The following CRISPLD1 variants were observed in gnomAD, a reference collection of about 807,000 sequenced individuals.
The protein encoded by CRISPLD1 is cysteine rich secretory protein LCCL domain containing 1.
Under a neutral mutation model 77.5 loss-of-function variants are expected in CRISPLD1, and 60 were observed. The ratio of observed to expected loss-of-function variants is 0.77; its 90% CI spans 0.63 to 0.96. The LOEUF is 0.96. Ranked by LOEUF, CRISPLD1 falls within the 40% of genes least tolerant of loss-of-function variation. The pLI, the probability that CRISPLD1 is intolerant of heterozygous loss-of-function variation, is 0.00. For missense variants in CRISPLD1, 623 were observed against 615.8 expected (o/e 1.01, Z -0.12); for synonymous variants, 195 against 200.1 (o/e 0.97, Z 0.22).
intron 2 of CRISPLD1, among the ~76,000 whole-genome samples, chr8:74,987,297 A>G (rs969335668): frequency 2.6e-5 from 4 of 152,194 alleles, no homozygotes; most frequent in African/African-American, 7.2e-5. Context: ...ATCAGGGATT[A>G]AGAATTGAGA....
chr8:75,004,214 C>T (rs958131346), intron 2 of CRISPLD1, among the ~76,000 whole-genome samples: 2 of 152,140 alleles, frequency 1.3e-5, no homozygotes, highest in African/African-American at 4.8e-5. Context: ...CCCTGTAACA[C>T]AAGTGTTTCC....
intron 1 of CRISPLD1, among the ~76,000 whole-genome samples, chr8:74,985,164 G>A (rs900811438): frequency 9.2e-5 from 14 of 152,076 alleles, no homozygotes; most frequent in Non-Finnish European, 1.8e-4. Context: ...TTTGAGTTCA[G>A]AGAAAGAACA....
At chr8:75,009,337 GAAA>G (rs544809518) in intron 2 of CRISPLD1, among the ~76,000 whole-genome samples, 3 of 145,128 alleles carry the variant, frequency 2.1e-5, no homozygotes, top group African/African-American at 5.2e-5. Flanking sequence ...GAAAAAAAAA[GAAA>G]AAAAAAAGAA....
chr8:74,985,887 C>A (rs1812487741), intron 1 of CRISPLD1, 39 bp from the exon 2 acceptor site: 2 of 1,320,270 alleles, frequency 1.5e-6, no homozygotes, highest in African/African-American at 1.5e-5. Flanking sequence ...TTCATATCTG[C>A]TGGAATTTTC....
chr8:74,990,001 A>C (rs1005886702), intron 2 of CRISPLD1, among the ~76,000 whole-genome samples: 13 of 152,208 alleles, frequency 8.5e-5, no homozygotes, highest in African/African-American at 3.1e-4. Context: ...ACTCAGAAAC[A>C]GAAAGTCAAA....
At chr8:74,998,108 A>G (rs563808996) in intron 2 of CRISPLD1, among the ~76,000 whole-genome samples, 1 of 152,198 alleles carries the variant, frequency 6.6e-6, no homozygotes, top group Non-Finnish European at 1.5e-5. Context: ...AATATAACTT[A>G]TTCTAACAGG....
At chr8:75,024,315 C>A (rs936463881) in intron 12 of CRISPLD1, among the ~76,000 whole-genome samples, 1 of 121,148 alleles carries the variant, frequency 8.3e-6, no homozygotes, top group African/African-American at 4.5e-5. Context: ...TGGACTTGTA[C>A]ATTTGTTGTT....
At chr8:75,015,595 A>G (rs575671595) in intron 6 of CRISPLD1, among the ~76,000 whole-genome samples, 11 of 152,334 alleles carry the variant, frequency 7.2e-5, no homozygotes, top group African/African-American at 1.2e-4. Context: ...CTTGATGACT[A>G]AAAGAGGAAT....
At chr8:75,006,458 T>C (rs1812832368) in intron 2 of CRISPLD1, among the ~76,000 whole-genome samples, 1 of 152,160 alleles carries the variant, frequency 6.6e-6, no homozygotes, top group Non-Finnish European at 1.5e-5. Flanking sequence ...GTTTATGTTA[T>C]CTATTTAAGA....
intron 6 of CRISPLD1, 41 bp from the exon 7 acceptor site, chr8:75,016,523 TA>T: frequency 6.4e-7 from 1 of 1,556,604 alleles, no homozygotes; most frequent in Non-Finnish European, 8.7e-7. Flanking sequence ...CATGCACATG[TA>T]AAATAGGGTT....
chr8:75,012,635 A>G, intron 3 of CRISPLD1, 84 bp downstream of exon 3: 2 of 995,042 alleles, frequency 2.0e-6, no homozygotes. Flanking sequence ...CAATTTTTCA[A>G]AGACTTGGTG....
Position 75,014,004 on chromosome 8 carries a change from T to C in CRISPLD1, c.528T>C (p.Ser176=), listed in dbSNP as rs754666403. ...TAACATAGGTCGTGTGGGCAACTAGTAACAGAATCGGTTGTGCCATTAATT... is the reference window on the plus strand; with the variant it reads ...TAACATAGGTCGTGTGGGCAACTAGCAACAGAATCGGTTGTGCCATTAATT... The part of the protein sequence containing the change: ...THYTQVVWAT[S]NRIGCAINLC... Residue 176 remains serine (S), a synonymous_variant, in exon 5 of 15, where the codon AGT becomes AGC. Coordinates refer to ENST00000262207, the MANE Select transcript of CRISPLD1 (RefSeq NM_031461.6). 6.2e-7 allele frequency: 1 copy of C among 1,612,856 alleles called. No homozygotes were observed. Among genetic ancestry groups the C allele is most frequent in the East Asian group, 2.2e-5 (1 of 44,836 alleles).
chr8:75,012,899 C>T lies in CRISPLD1; in HGVS notation c.387C>T (p.Pro129=), dbSNP rs1587017456. ...ATTTTCTTTCTAATAGATATAGGCC[C>T]CCGACGTTTCATGTACAATCGTGGT... ...NLGAHWGRYR[P]PTFHVQSWYD... is the part of the protein sequence containing the mutation. The change falls in exon 4 of 15, where the codon CCC becomes CCT. Residue 129 remains proline, a synonymous_variant. Transcript: ENST00000262207. The T allele has an allele frequency of 6.2e-7, 1 of 1,611,006 alleles. No homozygotes were observed.
intron 2 of CRISPLD1, among the ~76,000 whole-genome samples, chr8:75,011,261 G>T (rs1379876862): frequency 3.4e-5 from 5 of 148,036 alleles, no homozygotes; most frequent in Admixed American, 3.4e-4. Context: ...ATCTCCTAAT[G>T]CTATGCCTCC....
chr8:75,011,921 G>C (rs1812938083), intron 2 of CRISPLD1, among the ~76,000 whole-genome samples: 1 of 152,126 alleles, frequency 6.6e-6, no homozygotes, highest in Non-Finnish European at 1.5e-5. Context: ...AAAGCCTTAG[G>C]AGTCCTAAAG....
chr8:74,994,761 G>A (rs1012140228), intron 2 of CRISPLD1, among the ~76,000 whole-genome samples: 2 of 152,136 alleles, frequency 1.3e-5, no homozygotes, highest in Non-Finnish European at 2.9e-5. Context: ...GCACTATCAT[G>A]GGGAATGTCT....
At chr8:74,994,969 G>A (rs1812624779) in intron 2 of CRISPLD1, among the ~76,000 whole-genome samples, 1 of 152,174 alleles carries the variant, frequency 6.6e-6, no homozygotes, top group Admixed American at 6.6e-5. Flanking sequence ...ATTTAGCTTA[G>A]ATATCCAAAT....
In CRISPLD1 at chr8:75,013,103, C is replaced by G. The variant is rs1011251757; in HGVS notation, c.510+81C>G. ...AAAGAAATTAGGCTAGTGAACTTGT[C>G]TTTCTTATTTAATATGGTTATTAAA... is the stretch of plus-strand genomic sequence containing the variant. On this transcript the variant is annotated intron_variant, in intron 4 of 14. Coordinates refer to ENST00000262207, the MANE Select transcript of CRISPLD1 (RefSeq NM_031461.6). The G allele has an allele frequency of 2.5e-5, 31 of 1,224,326 alleles. No homozygotes were observed. In the African/African-American group the frequency reaches 4.5e-4, roughly 18 times the overall value. The allele number at this position is 1,224,326 out of a possible 1,614,324, so 75.8% of individuals were successfully genotyped here. A position where few individuals can be genotyped will look rare whatever the true frequency, so the allele number is the denominator to read the frequency against.
Position 75,033,157 on chromosome 8 carries a change from T to C in CRISPLD1, c.*915T>C, listed in dbSNP as rs1235985566. 6.6e-6 allele frequency: 1 copy of C among 152,418 alleles called. No individual in the cohort carries two copies. Among genetic ancestry groups the C allele is most frequent in the Non-Finnish European group, 1.5e-5 (1 of 67,866 alleles). The allele number at this position is 152,418 out of a possible 1,614,324, so 9.4% of individuals were successfully genotyped here. A position where few individuals can be genotyped will look rare whatever the true frequency, so the allele number is the denominator to read the frequency against. On this transcript the variant is annotated 3_prime_UTR_variant, in exon 15 of 15. Coordinates refer to ENST00000262207, the MANE Select transcript of CRISPLD1 (RefSeq NM_031461.6). The stretch of plus-strand genomic sequence containing the variant: ...TATCATGGTACCTATAATGGTGATA[T>C]ATTTGTTTCTATGAAAAATGTATTG...
Sources: allele counts gnomAD v4.1 joint callset (sites outside exome capture counted in the v4.1 genomes callset), GRCh38; gene constraint gnomAD v4.1.1; transcripts MANE v1.5; gene names NCBI Gene and HGNC (gene_info 2026-07-23, HGNC 2026-07-21).